Variants in PACRG observed in about 807,000 individuals in gnomAD.
PACRG encodes the protein parkin coregulated gene protein.
A neutral mutation model predicts 29.7 loss-of-function variants in PACRG; 29 were observed. The observed-to-expected ratio is 0.98, with a 90% CI of 0.73 to 1.33. The LOEUF (loss-of-function observed/expected upper bound fraction) is 1.33, where lower values mean the gene tolerates loss of function less well. PACRG is among the 40% of genes most tolerant of loss of function. The pLI is 0.00. For synonymous variants in PACRG, 116 were observed against 118.7 expected (o/e 0.98, Z 0.15); for missense variants, 279 against 316.2 (o/e 0.88, Z 0.89).
intron 2 of PACRG, among the ~76,000 whole-genome samples, chr6:162,998,733 C>T (rs1488952711): frequency 6.6e-6 from 1 of 152,212 alleles, no homozygotes; most frequent in Non-Finnish European, 1.5e-5. Flanking sequence ...AAAGATCCCT[C>T]TTACCCCAAG....
In PACRG at chr6:162,973,945, G is replaced by A. The variant is rs1424884425; in HGVS notation, c.292-88205G>A. On this transcript the variant is annotated intron_variant, in intron 2 of 4. Coordinates refer to ENST00000366888, the MANE Select transcript of PACRG (RefSeq NM_001080379.2). ...TAAAGACAAGGAAACAAGCCCCAAA[G>A]CTATAAATTTACCCACAGTGTTTAA... Among the ~76,000 whole-genome samples the A allele has an allele frequency of 2.6e-5, 4 of 152,140 alleles. No homozygotes were observed. The East Asian group carries it at 7.7e-4, about 29-fold the overall frequency.
chr6:163,166,040 C>G (rs1243518659), intron 4 of PACRG: 1 of 452,744 alleles, frequency 2.2e-6, no homozygotes, highest in Non-Finnish European at 4.5e-6. Context: ...CCGATTTCAT[C>G]TAAATCCGAG....
intron 1 of PACRG, among the ~76,000 whole-genome samples, chr6:162,758,270 G>C (rs1318008523): frequency 6.6e-6 from 1 of 151,968 alleles, no homozygotes; most frequent in African/African-American, 2.4e-5. Flanking sequence ...AATTTTTATA[G>C]ACTTTACAAG....
chr6:162,947,649 C>CATATATATAT (rs1799343083), intron 2 of PACRG, among the ~76,000 whole-genome samples: 1 of 29,392 alleles, frequency 3.4e-5, no homozygotes, highest in Non-Finnish European at 6.3e-5. Context: ...TATATATATA[C>CATATATATAT]ACCCAAAGAT....
Position 162,990,036 on chromosome 6 carries a change from A to G in PACRG, c.292-72114A>G, listed in dbSNP as rs1470929327. Among the ~76,000 whole-genome samples the G allele has an allele frequency of 6.8e-5, 10 of 146,874 alleles. No homozygotes were observed. In the East Asian group the frequency reaches 1.0e-3, roughly 15 times the overall value. ...AGTTTACTGAGAATGATGATTTCCAATTTCATCCATGTCCCTACAAAGGAC... is the reference window on the plus strand; with the variant it reads ...AGTTTACTGAGAATGATGATTTCCAGTTTCATCCATGTCCCTACAAAGGAC... On this transcript the variant is annotated intron_variant, in intron 2 of 4. Coordinates refer to ENST00000366888, the MANE Select transcript of PACRG (RefSeq NM_001080379.2).
intron 4 of PACRG, among the ~76,000 whole-genome samples, chr6:163,135,996 G>C (rs1001151867): frequency 6.6e-5 from 10 of 151,906 alleles, no homozygotes; most frequent in African/African-American, 2.4e-4. Flanking sequence ...TCAATTTGTG[G>C]TATTTTATTC....
intron 4 of PACRG, among the ~76,000 whole-genome samples, chr6:163,302,929 A>G (rs537959190): frequency 6.6e-6 from 1 of 152,196 alleles, no homozygotes; most frequent in African/African-American, 2.4e-5. Context: ...TTATCTTGTT[A>G]TGATGGTGAG....
intron 4 of PACRG, among the ~76,000 whole-genome samples, chr6:163,153,560 A>T (rs1049195019): frequency 1.3e-5 from 2 of 151,998 alleles, no homozygotes; most frequent in Non-Finnish European, 2.9e-5. Flanking sequence ...CTAAAAGGGG[A>T]TTTTTTTTAC....
At chr6:162,820,743 C>T (rs1787771353) in intron 2 of PACRG, among the ~76,000 whole-genome samples, 1 of 152,044 alleles carries the variant, frequency 6.6e-6, no homozygotes, top group African/African-American at 2.4e-5. Flanking sequence ...TAATTTGTTT[C>T]ACATCAAGGA....
chr6:163,108,205 C>A (rs1449811885), intron 4 of PACRG, among the ~76,000 whole-genome samples: 2 of 151,972 alleles, frequency 1.3e-5, no homozygotes, highest in Admixed American at 1.3e-4. Context: ...TGAGTGAGCT[C>A]TCACGAGTTC....
intron 4 of PACRG, among the ~76,000 whole-genome samples, chr6:163,202,913 A>C (rs1307692380): frequency 1.3e-5 from 2 of 152,146 alleles, no homozygotes; most frequent in East Asian, 3.9e-4. Context: ...GTGCCTTTTC[A>C]TCTCTAGTCT....
At chr6:163,156,916 C>T (rs1778346106) in intron 4 of PACRG, among the ~76,000 whole-genome samples, 1 of 152,346 alleles carries the variant, frequency 6.6e-6, no homozygotes, top group South Asian at 2.1e-4. Flanking sequence ...CGTGATTATA[C>T]TTGATCCACC....
intron 4 of PACRG, among the ~76,000 whole-genome samples, chr6:163,240,897 C>T (rs143341534): frequency 6.9e-4 from 105 of 152,280 alleles, no homozygotes; most frequent in Non-Finnish European, 1.2e-3. Context: ...AAGGGGCTTG[C>T]CCTTTTGCTT....
At chr6:162,746,267 G>C (rs1562554958) in intron 1 of PACRG, among the ~76,000 whole-genome samples, 1 of 152,042 alleles carries the variant, frequency 6.6e-6, no homozygotes, top group Admixed American at 6.6e-5. Context: ...ATATTTTAAG[G>C]TTATTTTGCA....
chr6:162,919,792 T>G (rs920285751), intron 2 of PACRG, among the ~76,000 whole-genome samples: 3 of 152,196 alleles, frequency 2.0e-5, no homozygotes, highest in African/African-American at 7.2e-5. Context: ...CTCATTAAAA[T>G]TCATTTAAAA....
intron 2 of PACRG, among the ~76,000 whole-genome samples, chr6:162,958,839 CATATATAGAGCATATATATATAT>C (rs1456735966): frequency 1.1e-5 from 1 of 93,190 alleles, no homozygotes; most frequent in Non-Finnish European, 2.2e-5. Flanking sequence ...ATATATAGAG[CATATATAGAGCATATATATATAT>C]ATATATATAT....
chr6:163,266,873 G>A (rs115109357), intron 4 of PACRG, among the ~76,000 whole-genome samples: 1,707 of 152,204 alleles, frequency 0.011, 35 homozygotes, highest in African/African-American at 0.039. Flanking sequence ...CCTCTTCCCG[G>A]GCAGCACCAG....
At chr6:162,931,417 T>A (rs1051741052) in intron 2 of PACRG, among the ~76,000 whole-genome samples, 1 of 152,046 alleles carries the variant, frequency 6.6e-6, no homozygotes. Flanking sequence ...GTCACAAAAT[T>A]TTTTCCTAGG....
At chr6:162,875,921 G>A (rs921005661) in intron 2 of PACRG, among the ~76,000 whole-genome samples, 6 of 152,150 alleles carry the variant, frequency 3.9e-5, no homozygotes, top group African/African-American at 1.4e-4. Flanking sequence ...GAACTCATGT[G>A]TCTATCTCCA....
Sources: allele counts gnomAD v4.1 joint callset (sites outside exome capture counted in the v4.1 genomes callset), GRCh38; gene constraint gnomAD v4.1.1; transcripts MANE v1.5; gene names NCBI Gene and HGNC (gene_info 2026-07-23, HGNC 2026-07-21).